The following SLC35F4 variants were observed in gnomAD, a reference collection of about 807,000 sequenced individuals.
SLC35F4 encodes solute carrier family 35 member F4, also known as chromosome 14 open reading frame 36.
Under a neutral mutation model 44.2 loss-of-function variants are expected in SLC35F4, and 24 were observed. That is an observed-to-expected ratio of 0.54 (90% CI 0.39 to 0.76). The LOEUF (loss-of-function observed/expected upper bound fraction) is 0.76, where lower values mean the gene tolerates loss of function less well. SLC35F4 is among the 30% of genes least tolerant of loss of function. The pLI, the probability that SLC35F4 is intolerant of heterozygous loss-of-function variation, is 0.00. For missense variants in SLC35F4, 562 were observed against 586.1 expected, an observed-to-expected ratio of 0.96 and a Z score of 0.42; for synonymous variants, 238 against 223.6, an observed-to-expected ratio of 1.06 and a Z score of -0.57.
At chr14:57,771,650 G>A (rs1469615426) in intron 1 of SLC35F4, among the ~76,000 whole-genome samples, 1 of 152,204 alleles carries the variant, frequency 6.6e-6, no homozygotes, top group Non-Finnish European at 1.5e-5. Context: ...CTGGAGTGCA[G>A]TGGTGTGATC....
At chr14:57,914,225 C>G (rs1043415898) in intron 1 of SLC35F4, among the ~76,000 whole-genome samples, 2 of 152,142 alleles carry the variant, frequency 1.3e-5, no homozygotes, top group Admixed American at 6.6e-5. Flanking sequence ...TAGAAGCAGT[C>G]ACACAGGACA....
chr14:57,640,816 C>A (rs2073195992), intron 1 of SLC35F4, among the ~76,000 whole-genome samples: 1 of 151,838 alleles, frequency 6.6e-6, no homozygotes, highest in South Asian at 2.1e-4. Flanking sequence ...AAGAAAGCCA[C>A]TTGAGATGAG....
intron 1 of SLC35F4, among the ~76,000 whole-genome samples, chr14:57,729,169 C>A (rs1437562403): frequency 6.6e-6 from 1 of 152,096 alleles, no homozygotes; most frequent in Non-Finnish European, 1.5e-5. Flanking sequence ...GTTCTATAAC[C>A]CTCTTGTACT....
intron 1 of SLC35F4, among the ~76,000 whole-genome samples, chr14:57,978,974 G>T (rs1881296408): frequency 6.6e-6 from 1 of 152,212 alleles, no homozygotes; most frequent in African/African-American, 2.4e-5. Flanking sequence ...GCATGAAGGA[G>T]TATGTCTGGA....
At chr14:57,759,143 T>C (rs879675599) in intron 1 of SLC35F4, among the ~76,000 whole-genome samples, 1 of 152,338 alleles carries the variant, frequency 6.6e-6, no homozygotes, top group South Asian at 2.1e-4. Flanking sequence ...GATGGACATT[T>C]AGATTGCTTT....
intron 1 of SLC35F4, among the ~76,000 whole-genome samples, chr14:57,737,142 GGAGA>G (rs2076486308): frequency 6.6e-6 from 1 of 151,414 alleles, no homozygotes; most frequent in South Asian, 2.1e-4. Context: ...GTGTGTGTTA[GGAGA>G]GAGAGAATGA....
chr14:57,754,013 T>G (rs1254612091), intron 1 of SLC35F4, among the ~76,000 whole-genome samples: 1 of 151,988 alleles, frequency 6.6e-6, no homozygotes, highest in Admixed American at 6.6e-5. Context: ...CTCTCAGGAT[T>G]AGTCCAATTA....
At chr14:57,755,817 T>A (rs1349461593) in intron 1 of SLC35F4, among the ~76,000 whole-genome samples, 1 of 152,230 alleles carries the variant, frequency 6.6e-6, no homozygotes, top group African/African-American at 2.4e-5. Context: ...ATTGTCCACA[T>A]TTCGCAGGGG....
At chr14:57,749,122 T>C (rs12432604) in intron 1 of SLC35F4, among the ~76,000 whole-genome samples, 28,099 of 152,178 alleles carry the variant, frequency 0.18, 2,922 homozygotes, top group South Asian at 0.28. Context: ...AACTCCGTGA[T>C]GCCAAGAATT....
At chr14:57,981,249 A>T (rs1213030303) in intron 1 of SLC35F4, among the ~76,000 whole-genome samples, 1 of 152,206 alleles carries the variant, frequency 6.6e-6, no homozygotes, top group Non-Finnish European at 1.5e-5. Context: ...CTTGAGGAGA[A>T]TTATAATATT....
intron 1 of SLC35F4, among the ~76,000 whole-genome samples, chr14:57,940,589 T>C (rs556930516): frequency 3.1e-4 from 47 of 152,310 alleles, no homozygotes; most frequent in Non-Finnish European, 5.0e-4. Flanking sequence ...AAATCATTCA[T>C]TCAGCAGTGG....
At chr14:57,779,297 G>T (rs1368885614) in intron 1 of SLC35F4, among the ~76,000 whole-genome samples, 1 of 151,984 alleles carries the variant, frequency 6.6e-6, no homozygotes, top group African/African-American at 2.4e-5. Context: ...AACGATAAAG[G>T]AGATATTACC....
At chr14:57,750,292 T>C (rs1168774323) in intron 1 of SLC35F4, among the ~76,000 whole-genome samples, 1 of 152,198 alleles carries the variant, frequency 6.6e-6, no homozygotes, top group Admixed American at 6.6e-5. Context: ...CAGTCATCTG[T>C]AGATGGATGC....
intron 1 of SLC35F4, among the ~76,000 whole-genome samples, chr14:57,892,451 G>A (rs913654446): frequency 6.6e-6 from 1 of 152,106 alleles, no homozygotes; most frequent in African/African-American, 2.4e-5. Context: ...GCTACCTATC[G>A]ACTAAGCCCA....
chr14:57,792,047 G>C (rs1595074775), intron 1 of SLC35F4, among the ~76,000 whole-genome samples: 1 of 152,082 alleles, frequency 6.6e-6, no homozygotes, highest in African/African-American at 2.4e-5. Context: ...AACCACCATG[G>C]CACATGTGTA....
chr14:57,942,299 A>G lies in SLC35F4; in HGVS notation n.282+39614T>C, dbSNP rs536904842. On this transcript the variant is annotated intron_variant and non_coding_transcript_variant, in intron 1 of 1. Coordinates refer to the SLC35F4 transcript ENST00000556568. ...GACCAGGTGAATAAATCATTCAAACAAAAAAACACAGGTGAAATTCCTAAA... is the reference window on the plus strand; with the variant it reads ...GACCAGGTGAATAAATCATTCAAACGAAAAAACACAGGTGAAATTCCTAAA... Among the ~76,000 whole-genome samples the G allele has an allele frequency of 3.3e-5, 5 of 152,240 alleles. 1 individual carries two copies. The South Asian group carries it at 6.2e-4, about 19-fold the overall frequency.
chr14:57,945,441 G>GTGTT (rs1890008570), intron 1 of SLC35F4, among the ~76,000 whole-genome samples: 1 of 24,734 alleles, frequency 4.0e-5, no homozygotes, highest in Admixed American at 5.4e-4. Flanking sequence ...CAATGATAAT[G>GTGTT]TGTGTGTGTG....
At chr14:57,680,106 T>C (rs1175137623) in intron 1 of SLC35F4, among the ~76,000 whole-genome samples, 1 of 152,044 alleles carries the variant, frequency 6.6e-6, no homozygotes, top group South Asian at 2.1e-4. Flanking sequence ...CTGATGAACA[T>C]TGACACAAAA....
At chr14:57,658,312 T>G (rs942173806) in intron 1 of SLC35F4, among the ~76,000 whole-genome samples, 1 of 152,226 alleles carries the variant, frequency 6.6e-6, no homozygotes, top group Non-Finnish European at 1.5e-5. Flanking sequence ...ATAAAACTGA[T>G]GCCAAATATG....
Sources: allele counts gnomAD v4.1 joint callset (sites outside exome capture counted in the v4.1 genomes callset), GRCh38; gene constraint gnomAD v4.1.1; transcripts MANE v1.5; gene names NCBI Gene and HGNC (gene_info 2026-07-23, HGNC 2026-07-21).